The following USP40 variants were observed in gnomAD, a reference collection of about 807,000 sequenced individuals.
USP40 encodes ubiquitin specific peptidase 40.
A neutral mutation model predicts 166.2 loss-of-function variants in USP40; 143 were observed. That is an observed-to-expected ratio of 0.86 (90% CI 0.75 to 0.99). The LOEUF (loss-of-function observed/expected upper bound fraction) is 0.99. Ranked by LOEUF, USP40 falls within the 50% of genes least tolerant of loss-of-function variation. The pLI is 0.00. For synonymous variants in USP40, 498 were observed against 524.0 expected (o/e 0.95, Z 0.68); for missense variants, 1,444 against 1,479.7 (o/e 0.98, Z 0.40).
At chr2:233,552,084 C>T (rs2070620101) in intron 6 of USP40, among the ~76,000 whole-genome samples, 1 of 151,840 alleles carries the variant, frequency 6.6e-6, no homozygotes, top group Admixed American at 6.6e-5. Flanking sequence ...TGCCCAACCT[C>T]TTGGATTATT....
intron 6 of USP40, 128 bp from the exon 7 acceptor site, chr2:233,551,647 C>A: frequency 1.1e-6 from 1 of 893,608 alleles, no homozygotes; most frequent in Non-Finnish European, 1.6e-6. Context: ...AAACTCATTA[C>A]CATGGATTCA....
intron 26 of USP40, among the ~76,000 whole-genome samples, chr2:233,490,156 TCTC>T (rs1448315037): frequency 7.3e-5 from 11 of 150,380 alleles, no homozygotes; most frequent in South Asian, 2.1e-4. Flanking sequence ...CTTTTTCTTT[TCTC>T]CTTTTTTTTT....
intron 23 of USP40, 86 bp downstream of exon 23, chr2:233,498,462 T>G (rs1476197281): frequency 2.1e-5 from 26 of 1,217,544 alleles, no homozygotes; most frequent in Admixed American, 2.5e-5. Context: ...TAATTAAAGC[T>G]TTCTCATGAG....
At chr2:233,520,207 G>T (rs2067556585) in intron 17 of USP40, among the ~76,000 whole-genome samples, 1 of 151,988 alleles carries the variant, frequency 6.6e-6, no homozygotes, top group Non-Finnish European at 1.5e-5. Context: ...AAATTTAGGA[G>T]TAAAACCGAT....
chr2:233,523,623 T>A, intron 15 of USP40, 134 bp from the exon 16 acceptor site: 1 of 851,352 alleles, frequency 1.2e-6, no homozygotes, highest in Non-Finnish European at 1.8e-6. Flanking sequence ...AAATGTCTGT[T>A]AAGCATCAGA....
chr2:233,488,369 C>T (rs1489562329), intron 27 of USP40, 65 bp from the exon 28 acceptor site: 91 of 1,427,596 alleles, frequency 6.4e-5, no homozygotes, highest in Non-Finnish European at 8.5e-5. Flanking sequence ...AATTTTTTTT[C>T]CCCCAATTTT....
intron 30 of USP40, among the ~76,000 whole-genome samples, chr2:233,484,854 T>C (rs1001618472): frequency 4.6e-5 from 7 of 152,250 alleles, no homozygotes; most frequent in Non-Finnish European, 1.0e-4. Flanking sequence ...TCAATTTTTA[T>C]TTACTTTTCT....
chr2:233,520,859 A>T, intron 17 of USP40, 132 bp downstream of exon 17: 1 of 965,994 alleles, frequency 1.0e-6, no homozygotes, highest in Non-Finnish European at 1.5e-6. Flanking sequence ...ATCAAATGTT[A>T]AATAAAAAGC....
intron 11 of USP40, among the ~76,000 whole-genome samples, chr2:233,532,189 G>C (rs2068586444): frequency 6.6e-6 from 1 of 152,164 alleles, no homozygotes; most frequent in Non-Finnish European, 1.5e-5. Context: ...TAGGGTCTTC[G>C]TTTGCATCTT....
intron 5 of USP40, 146 bp from the exon 6 acceptor site, chr2:233,554,672 G>A (rs958795865): frequency 3.6e-6 from 2 of 557,988 alleles, no homozygotes; most frequent in Non-Finnish European, 5.5e-6. Context: ...TAGATGTTGT[G>A]AAGTTCATAA....
At chr2:233,549,694 G>C (rs1183708548) in intron 7 of USP40, among the ~76,000 whole-genome samples, 1 of 151,778 alleles carries the variant, frequency 6.6e-6, no homozygotes, top group Non-Finnish European at 1.5e-5. Context: ...ATTTCAACTA[G>C]GTTGTCATGT....
At chr2:233,484,594 A>T (rs1322685647) in intron 30 of USP40, among the ~76,000 whole-genome samples, 1 of 150,550 alleles carries the variant, frequency 6.6e-6, no homozygotes, top group Non-Finnish European at 1.5e-5. Context: ...CGATCCTCCT[A>T]CCTCAGCCTC....
At chr2:233,487,869 G>A (rs957319369) in intron 28 of USP40, 3 of 494,166 alleles carry the variant, frequency 6.1e-6, no homozygotes, top group Non-Finnish European at 1.2e-5. Context: ...ATACTAGGAT[G>A]AAGAAAGTAG....
At position 233,485,825 on chromosome 2, in the gene USP40, T is replaced by A. The variant is rs766240160; in HGVS notation, c.3350A>T (p.Lys1117Met). The A allele has an allele frequency of 1.2e-6, 2 of 1,612,034 alleles. No individual in the cohort carries two copies. Among genetic ancestry groups the A allele is most frequent in the African/African-American group, 2.7e-5 (2 of 74,824 alleles). The part of the protein sequence containing the change: ...VADFYRLPVE[K>M]IEIAKYFPEK... ...GGGAAAGTATTTGGCAATTTCAATCTTCTCCACGGGAAGACGATAGAAATC... is the reference window on the plus strand; with the variant it reads ...GGGAAAGTATTTGGCAATTTCAATCATCTCCACGGGAAGACGATAGAAATC... The change falls in exon 29 of 32, where the codon AAG becomes ATG. Residue 1117 changes from lysine to methionine, a missense_variant. Transcript: ENST00000678225.
At position 233,486,085 on chromosome 2, in the gene USP40, A is replaced by C; in HGVS notation, c.3198-108T>G. 8.0e-7 allele frequency: 1 copy of C among 1,255,878 alleles called. No homozygotes were observed. The highest frequency in any genetic ancestry group is 1.5e-5 in the African/African-American group (1 of 64,688). The allele number at this position is 1,255,878 out of a possible 1,614,324, so 77.8% of individuals were successfully genotyped here. On this transcript the variant is annotated intron_variant, in intron 28 of 31. Transcript: ENST00000678225. The surrounding 1 kb of genome is among the most constrained non-coding windows in gnomAD (Gnocchi z 4.0). The stretch of plus-strand genomic sequence containing the variant: ...CTCCTCCAGCTTTTCTGGTTTTTAT[A>C]AGGAGAGATTTTTCCCTAAATGCTG...
rs1266445446 is a variant in USP40 at position 233,554,451 on chromosome 2, C to G, written c.622G>C (p.Glu208Gln). The change falls in exon 6 of 32, where the codon GAA becomes CAA. Residue 208 changes from glutamate (E) to glutamine (Q), a missense_variant. Coordinates refer to ENST00000678225, the MANE Select transcript of USP40 (RefSeq NM_001365479.2). ...LEDALWNMYVEEEVFDCDNLY... is the reference protein window; with the variant it reads ...LEDALWNMYVQEEVFDCDNLY... ...TTGTCACAATCAAAAACTTCCTCTT[C>G]TACATACATGTTCCAGAGAGCATCT... 5 of 1,613,430 alleles carry G rather than the reference C, an allele frequency of 3.1e-6. No individual in the cohort carries two copies. The highest frequency in any genetic ancestry group is 3.4e-6 in the Non-Finnish European group (4 of 1,179,690).
At chr2:233,538,048 T>A (rs1447915554) in intron 10 of USP40, among the ~76,000 whole-genome samples, 1 of 152,150 alleles carries the variant, frequency 6.6e-6, no homozygotes, top group Admixed American at 6.5e-5. Context: ...TATACTATTG[T>A]AAGCATCTTA....
intron 1 of USP40, among the ~76,000 whole-genome samples, 151 bp downstream of exon 1, chr2:233,566,533 C>T (rs1426662695): frequency 6.6e-6 from 1 of 152,248 alleles, no homozygotes; most frequent in Non-Finnish European, 1.5e-5. Context: ...GTCCCCGTGG[C>T]CCGAAACCAC....
chr2:233,521,056 C>T lies in USP40; in HGVS notation c.2260G>A (p.Val754Ile), dbSNP rs2067614458. The change falls in exon 17 of 32, where the codon GTT becomes ATT. Residue 754 changes from valine (V) to isoleucine (I), a missense_variant. Physicochemically the swap from Val to Ile is conservative, Grantham distance 29. Transcript: ENST00000678225. ...TSMNEIDWLH[V>I]KNLCQLESEE... is the part of the protein sequence containing the mutation. ...GATTCTAACTGGCATAAATTTTTAA[C>T]GTGGAGCCAGTCAATCTCATTCATA... 2.5e-6 allele frequency: 4 copies of T among 1,613,386 alleles called. No homozygotes were observed. Among genetic ancestry groups the T allele is most frequent in the African/African-American group, 1.3e-5 (1 of 75,034 alleles).
Sources: gnomAD v4.1 joint callset for allele counts (sites outside exome capture counted in the v4.1 genomes callset) on GRCh38, gnomAD v4.1.1 for gene constraint, Gnocchi (gnomAD v3.1) non-coding constraint, MANE v1.5 for transcripts, NCBI Gene and HGNC (gene_info 2026-07-23, HGNC 2026-07-21) for gene names.